ACACB: variants seen among roughly 807,000 people sequenced by gnomAD.
The protein encoded by ACACB is acetyl-CoA carboxylase 2.
Under a neutral mutation model 278.8 loss-of-function variants are expected in ACACB, and 209 were observed. That is an observed-to-expected ratio of 0.75 (90% confidence interval 0.67 to 0.84). ACACB has a LOEUF of 0.84. Ranked by LOEUF, ACACB falls within the 40% of genes least tolerant of loss-of-function variation. The probability of loss-of-function intolerance (pLI) is 0.00; values close to 1 mark genes in which losing one functional copy is unlikely to be tolerated. For missense variants in ACACB, 2,850 were observed against 3,269.0 expected, an observed-to-expected ratio of 0.87 and a Z score of 3.13; for synonymous variants, 1,174 against 1,285.6, an observed-to-expected ratio of 0.91 and a Z score of 1.86.
rs535570435 is a variant in ACACB, at chr12:109,135,012, A to G, written c.-9-4385A>G. 2.0e-5 allele frequency among the ~76,000 whole-genome samples: 3 copies of G among 152,324 alleles called. 1 individual carries two copies. Among genetic ancestry groups the G allele is most frequent in the African/African-American group, 7.2e-5 (3 of 41,578 alleles). On this transcript the variant is annotated intron_variant, in intron 1 of 52. Transcript: ENST00000338432. Reference sequence around the variant, plus strand: ...GTATTTGTTTGAGTCGTTGTTTTCAATTCTTTTGGGATATACCTAGGAGTG... The same window carrying G: ...GTATTTGTTTGAGTCGTTGTTTTCAGTTCTTTTGGGATATACCTAGGAGTG...
rs1460760255 is a variant in ACACB, at chr12:109,145,369, AG to A, written c.653+5312del. Among the ~76,000 whole-genome samples the A allele has an allele frequency of 4.6e-5, 7 of 152,230 alleles. No homozygotes were observed. In the East Asian group the frequency reaches 1.4e-3, roughly 29 times the overall value. On this transcript the variant is annotated intron_variant, in intron 2 of 52. Transcript: ENST00000338432. ...GTTTTGTCACTTGGATATAATTCCCAGTGGTGAAGCCTGGGCTTTTACGAGC... is the reference window on the plus strand; with the variant it reads ...GTTTTGTCACTTGGATATAATTCCCATGGTGAAGCCTGGGCTTTTACGAGC...
At chr12:109,124,494 G>C (rs1331511390) in intron 1 of ACACB, among the ~76,000 whole-genome samples, 1 of 152,174 alleles carries the variant, frequency 6.6e-6, no homozygotes, top group Non-Finnish European at 1.5e-5. Context: ...ATAAAGTTCA[G>C]TTACCCCACT....
chr12:109,246,784 C>T (rs950626428), intron 39 of ACACB, among the ~76,000 whole-genome samples: 1 of 152,088 alleles, frequency 6.6e-6, no homozygotes, highest in Non-Finnish European at 1.5e-5. Flanking sequence ...GGCCTCATAG[C>T]GTTCTTAGAA....
intron 27 of ACACB, 53 bp from the exon 28 acceptor site, chr12:109,227,318 G>A: frequency 6.6e-7 from 1 of 1,515,904 alleles, no homozygotes; most frequent in Non-Finnish European, 9.1e-7. Context: ...CAGCTTTTGA[G>A]CACACTCTGC....
At chr12:109,186,123 G>A (rs2136249758) in intron 12 of ACACB, among the ~76,000 whole-genome samples, 1 of 151,862 alleles carries the variant, frequency 6.6e-6, no homozygotes, top group Non-Finnish European at 1.5e-5. Context: ...TAGAGACGGG[G>A]TTTCACCATA....
chr12:109,234,691 A>G (rs2046581033), intron 31 of ACACB, among the ~76,000 whole-genome samples: 1 of 152,130 alleles, frequency 6.6e-6, no homozygotes, highest in African/African-American at 2.4e-5. Context: ...TCAGCAAACT[A>G]ACACAAGAAC....
At chr12:109,223,702 C>A in intron 26 of ACACB, 113 bp from the exon 27 acceptor site, 1 of 952,228 alleles carries the variant, frequency 1.1e-6, no homozygotes, top group Non-Finnish European at 1.7e-6. Flanking sequence ...TTTGAGGCTG[C>A]GGTGAGCTAT....
At chr12:109,185,800 C>A in intron 12 of ACACB, 60 bp downstream of exon 12, 1 of 1,517,064 alleles carries the variant, frequency 6.6e-7, no homozygotes, top group Non-Finnish European at 8.9e-7. Context: ...GTGGGGGACC[C>A]TGGATGTTAG....
intron 43 of ACACB, 110 bp from the exon 44 acceptor site, chr12:109,254,104 G>A (rs1381413072): frequency 9.0e-6 from 12 of 1,332,260 alleles, no homozygotes; most frequent in African/African-American, 4.4e-5. Context: ...CTAGGGAGGG[G>A]ATATTGCTGC....
At chr12:109,179,565 C>T (rs561791097) in intron 10 of ACACB, among the ~76,000 whole-genome samples, 1 of 152,326 alleles carries the variant, frequency 6.6e-6, no homozygotes, top group South Asian at 2.1e-4. Flanking sequence ...TAGTTCACAG[C>T]AGCCTGTAAC....
intron 37 of ACACB, chr12:109,242,807 T>C (rs2046837668): frequency 1.9e-6 from 1 of 526,070 alleles, no homozygotes; most frequent in East Asian, 3.3e-5. Context: ...CTCTACAAAA[T>C]ATACAAAAAT....
intron 47 of ACACB, among the ~76,000 whole-genome samples, chr12:109,259,909 T>C (rs1445729406): frequency 6.6e-6 from 1 of 152,178 alleles, no homozygotes. Flanking sequence ...CCTTGTTAAC[T>C]GGGTGACATC....
intron 21 of ACACB, among the ~76,000 whole-genome samples, chr12:109,212,056 G>T (rs769276521): frequency 3.9e-4 from 60 of 152,280 alleles, no homozygotes; most frequent in Middle Eastern, 3.4e-3. Flanking sequence ...TGATATGTGC[G>T]GAATGGTATA....
At chr12:109,196,212 G>T (rs879556933) in intron 16 of ACACB, among the ~76,000 whole-genome samples, 1 of 152,134 alleles carries the variant, frequency 6.6e-6, no homozygotes, top group Non-Finnish European at 1.5e-5. Context: ...TCTCTCTCAC[G>T]TGTCCCAAAG....
At chr12:109,227,518 C>T in intron 28 of ACACB, 29 bp downstream of exon 28, 2 of 1,601,058 alleles carry the variant, frequency 1.2e-6, no homozygotes, top group South Asian at 1.1e-5. Flanking sequence ...CCAGGGACGG[C>T]CTGTGTTTCT....
intron 19 of ACACB, among the ~76,000 whole-genome samples, chr12:109,204,929 C>T (rs1410449642): frequency 6.6e-6 from 1 of 152,136 alleles, no homozygotes; most frequent in Non-Finnish European, 1.5e-5. Context: ...TCACTGCAAC[C>T]TCCACTTCCT....
chr12:109,251,991 G>A (rs1261588733), intron 41 of ACACB, 55 bp from the exon 42 acceptor site: 2 of 1,350,866 alleles, frequency 1.5e-6, no homozygotes, highest in South Asian at 1.3e-5. Flanking sequence ...TCCCTGCTGT[G>A]GGGGGTGGGT....
intron 45 of ACACB, among the ~76,000 whole-genome samples, chr12:109,257,009 C>CG (rs1344686316): frequency 6.6e-6 from 1 of 152,206 alleles, no homozygotes; most frequent in Non-Finnish European, 1.5e-5. Context: ...CGTGGCAGCT[C>CG]ACACCTGTAA....
Position 109,180,062 on chromosome 12 carries a change from T to C in ACACB, c.1793T>C (p.Val598Ala). The C allele has an allele frequency of 6.2e-7, 1 of 1,611,866 alleles. No homozygotes were observed. Among genetic ancestry groups the C allele is most frequent in the Non-Finnish European group, 8.5e-7 (1 of 1,179,434 alleles). ...CCCTGCACAGAAATGATTGCTGATG[T>C]TAATCTGCCGGCCGCCCAGCTACAG... is the stretch of plus-strand genomic sequence containing the variant. Reference protein sequence around the residue: ...EHPCTEMIADVNLPAAQLQIA... With the variant: ...EHPCTEMIADANLPAAQLQIA... The change falls in exon 11 of 53, where the codon GTT becomes GCT. Residue 598 changes from valine (V) to alanine (A), a missense_variant. Val to Ala is a moderately conservative substitution (Grantham distance 64). Transcript: ENST00000338432.
Sources: gnomAD v4.1 joint callset for allele counts (sites outside exome capture counted in the v4.1 genomes callset) on GRCh38, gnomAD v4.1.1 for gene constraint, MANE v1.5 for transcripts, NCBI Gene and HGNC (gene_info 2026-07-23, HGNC 2026-07-21) for gene names.